KCNH1: variants seen among roughly 807,000 people sequenced by gnomAD.
KCNH1 encodes voltage-gated delayed rectifier potassium channel KCNH1.
Under a neutral mutation model 69.2 loss-of-function variants are expected in KCNH1, and 27 were observed. The observed-to-expected ratio is 0.39, with a 90% CI of 0.29 to 0.54. KCNH1 has a LOEUF of 0.54. Ranked by LOEUF, KCNH1 falls within the 20% of genes least tolerant of loss-of-function variation. The pLI, the probability that KCNH1 is intolerant of heterozygous loss-of-function variation, is 0.68. For synonymous variants in KCNH1, 456 were observed against 487.7 expected, an observed-to-expected ratio of 0.93 and a Z score of 0.86; for missense variants, 798 against 1,261.6, an observed-to-expected ratio of 0.63 and a Z score of 5.57.
At chr1:210,711,296 G>A (rs1682068154) in intron 10 of KCNH1, among the ~76,000 whole-genome samples, 1 of 152,362 alleles carries the variant, frequency 6.6e-6, no homozygotes, top group Non-Finnish European at 1.5e-5. Context: ...TAAGATGTGT[G>A]TAAATCTTAA....
chr1:210,782,650 T>G (rs987938898), intron 9 of KCNH1, among the ~76,000 whole-genome samples: 1 of 151,918 alleles, frequency 6.6e-6, no homozygotes, highest in Non-Finnish European at 1.5e-5. Flanking sequence ...TGCTTGGACC[T>G]AGGGGGCAGA....
chr1:211,027,422 T>C (rs894330014), intron 5 of KCNH1, among the ~76,000 whole-genome samples: 8 of 151,998 alleles, frequency 5.3e-5, no homozygotes, highest in East Asian at 3.9e-4. Context: ...CTGAGCAACA[T>C]AGTGAGACCC....
At chr1:210,838,919 G>T (rs1025130780) in intron 7 of KCNH1, among the ~76,000 whole-genome samples, 1 of 152,188 alleles carries the variant, frequency 6.6e-6, no homozygotes, top group Non-Finnish European at 1.5e-5. Flanking sequence ...ACAGATGCTG[G>T]CAGGGTTGCA....
chr1:211,070,430 A>ACACACAC (rs1553376623), intron 5 of KCNH1, among the ~76,000 whole-genome samples: 12 of 137,126 alleles, frequency 8.8e-5, no homozygotes, highest in South Asian at 2.3e-4. Flanking sequence ...AAAAAAAAAA[A>ACACACAC]ACACACACAC....
At chr1:210,716,654 G>C (rs1295312903) in intron 10 of KCNH1, among the ~76,000 whole-genome samples, 1 of 152,102 alleles carries the variant, frequency 6.6e-6, no homozygotes, top group Non-Finnish European at 1.5e-5. Flanking sequence ...CATTCACTGA[G>C]GCCTCCTGTG....
At chr1:210,911,414 C>T (rs1213671125) in intron 7 of KCNH1, among the ~76,000 whole-genome samples, 3 of 151,866 alleles carry the variant, frequency 2.0e-5, no homozygotes, top group African/African-American at 4.8e-5. Context: ...AATTTTAATT[C>T]AAATGTCAAT....
chr1:210,705,222 C>T (rs532871939), intron 10 of KCNH1, among the ~76,000 whole-genome samples: 2 of 152,332 alleles, frequency 1.3e-5, no homozygotes, highest in South Asian at 2.1e-4. Context: ...ATAGGCAAGA[C>T]CTGCCAGCTT....
chr1:210,687,384 A>G (rs112219232), intron 10 of KCNH1, among the ~76,000 whole-genome samples: 24 of 152,306 alleles, frequency 1.6e-4, no homozygotes, highest in Admixed American at 7.2e-4. Flanking sequence ...CAGACACTCA[A>G]TGACAGGGCC....
intron 7 of KCNH1, among the ~76,000 whole-genome samples, chr1:210,901,210 G>A (rs1686987686): frequency 6.6e-6 from 1 of 151,944 alleles, no homozygotes; most frequent in Non-Finnish European, 1.5e-5. Flanking sequence ...ATGAACCCAG[G>A]TCTATGTAAG....
intron 6 of KCNH1, among the ~76,000 whole-genome samples, chr1:210,923,017 A>G (rs1265028108): frequency 6.6e-6 from 1 of 151,534 alleles, no homozygotes; most frequent in Non-Finnish European, 1.5e-5. Context: ...AGCAACATTT[A>G]TGTAGAACCT....
At position 210,738,552 on chromosome 1, in the gene KCNH1, C is replaced by CTTTTTTTTTTTTTTT. The variant is rs57669878; in HGVS notation, c.2112+36781_2112+36795dup. On this transcript the variant is annotated intron_variant, in intron 10 of 10. Coordinates refer to ENST00000271751, the MANE Select transcript of KCNH1 (RefSeq NM_172362.3). ...CTGTATTCCTGGCTTGGCTTTTTTG[C>CTTTTTTTTTTTTTTT]TTTTTTTTTTTTTTTTTTTTTTTTT... Among the ~76,000 whole-genome samples, 10 of 49,150 alleles carry CTTTTTTTTTTTTTTT rather than the reference C, an allele frequency of 2.0e-4. 1 individual carries two copies. Among genetic ancestry groups the CTTTTTTTTTTTTTTT allele is most frequent in the East Asian group, 1.2e-3 (2 of 1,610 alleles). 32.2% of individuals were successfully genotyped at this position (49,150 alleles called of 152,430 possible).
chr1:211,053,440 T>C (rs1018022104), intron 5 of KCNH1, among the ~76,000 whole-genome samples: 15 of 152,080 alleles, frequency 9.9e-5, no homozygotes, highest in African/African-American at 2.9e-4. Context: ...ATAGGAGACA[T>C]GAGGGGAGGC....
intron 9 of KCNH1, among the ~76,000 whole-genome samples, chr1:210,783,138 C>T (rs1249401520): frequency 1.3e-5 from 2 of 152,300 alleles, no homozygotes; most frequent in Non-Finnish European, 2.9e-5. Context: ...GGATTCTCAG[C>T]CTCATTTGAA....
chr1:211,035,239 T>C (rs932985743), intron 5 of KCNH1, among the ~76,000 whole-genome samples: 4 of 26,704 alleles, frequency 1.5e-4, no homozygotes, highest in African/African-American at 8.5e-4. Flanking sequence ...TGGCATTCTT[T>C]TTTTTTTTTT....
At chr1:211,097,806 GA>G (rs1226246381) in intron 3 of KCNH1, among the ~76,000 whole-genome samples, 2 of 152,214 alleles carry the variant, frequency 1.3e-5, no homozygotes, top group Non-Finnish European at 2.9e-5. Context: ...CTCTGACTGG[GA>G]AACTAACCCA....
intron 6 of KCNH1, among the ~76,000 whole-genome samples, chr1:210,964,078 A>T (rs1396841615): frequency 6.6e-6 from 1 of 152,250 alleles, no homozygotes; most frequent in Non-Finnish European, 1.5e-5. Flanking sequence ...AGCCCATCAG[A>T]CTAACAGCAG....
chr1:211,129,947 G>A (rs1311406168), intron 1 of KCNH1, among the ~76,000 whole-genome samples: 5 of 152,110 alleles, frequency 3.3e-5, no homozygotes, highest in South Asian at 2.1e-4. Context: ...ATAGGTTCCC[G>A]AACACTAAAA....
At chr1:210,780,993 G>GCCGA (rs1365631229) in intron 9 of KCNH1, among the ~76,000 whole-genome samples, 1 of 152,162 alleles carries the variant, frequency 6.6e-6, no homozygotes, top group Non-Finnish European at 1.5e-5. Context: ...CTTGCAGTGA[G>GCCGA]CCGAGATCGC....
At chr1:210,778,529 T>A (rs1249564978) in intron 9 of KCNH1, among the ~76,000 whole-genome samples, 3 of 44,224 alleles carry the variant, frequency 6.8e-5, no homozygotes, top group Non-Finnish European at 1.1e-4. Flanking sequence ...AGACTCTGTC[T>A]CAAAAAAAAA....
Sources: gnomAD v4.1 joint callset for allele counts (sites outside exome capture counted in the v4.1 genomes callset) on GRCh38, gnomAD v4.1.1 for gene constraint, MANE v1.5 for transcripts, NCBI Gene and HGNC (gene_info 2026-07-23, HGNC 2026-07-21) for gene names.